The following ABAT variants were observed in gnomAD, a reference collection of about 807,000 sequenced individuals.
ABAT encodes the protein 4-aminobutyrate aminotransferase, mitochondrial.
Under a neutral mutation model 64.6 loss-of-function variants are expected in ABAT, and 45 were observed. The ratio of observed to expected loss-of-function variants is 0.70; its 90% CI spans 0.55 to 0.89. The LOEUF (loss-of-function observed/expected upper bound fraction) is 0.89, where lower values mean the gene tolerates loss of function less well. ABAT is among the 40% of genes least tolerant of loss of function. The probability of loss-of-function intolerance (pLI) is 0.00; values close to 1 mark genes in which losing one functional copy is unlikely to be tolerated. For synonymous variants in ABAT, 297 were observed against 250.5 expected (o/e 1.19, Z -1.75); for missense variants, 633 against 658.4 (o/e 0.96, Z 0.42).
rs1045051678 is a variant in ABAT, at chr16:8,783,623, T to G, written c.*2193T>G. 1 of 152,244 alleles carries G rather than the reference T, an allele frequency of 6.6e-6. No individual in the cohort carries two copies. The highest frequency in any genetic ancestry group is 1.5e-5 in the Non-Finnish European group (1 of 68,042). 9.4% of individuals were successfully genotyped at this position (152,244 alleles called of 1,614,324 possible). On this transcript the variant is annotated 3_prime_UTR_variant, in exon 16 of 16. Coordinates refer to ENST00000268251, the MANE Select transcript of ABAT (RefSeq NM_020686.6). ...CATCCCAAGGTTCAATAAGGCCTTA[T>G]TTAACAAGCAAGCAAAATGCAAACC...
At chr16:8,745,757 A>G (rs1454559883) in intron 2 of ABAT, among the ~76,000 whole-genome samples, 1 of 152,238 alleles carries the variant, frequency 6.6e-6, no homozygotes, top group Non-Finnish European at 1.5e-5. Context: ...TCATGCCAGT[A>G]AAACAGGAGC....
intron 11 of ABAT, among the ~76,000 whole-genome samples, chr16:8,771,632 C>T (rs983609570): frequency 4.6e-5 from 7 of 152,086 alleles, no homozygotes; most frequent in Non-Finnish European, 7.3e-5. Context: ...CCATGCCCAA[C>T]TAATTTTTGT....
Position 8,776,467 on chromosome 16 carries a change from C to T in ABAT, c.1246C>T (p.Leu416Phe). The T allele has an allele frequency of 6.2e-7, 1 of 1,614,112 alleles. No individual in the cohort carries two copies. The highest frequency in any genetic ancestry group is 1.1e-5 in the South Asian group (1 of 91,068). The change falls in exon 14 of 16, where the codon CTC becomes TTC. Residue 416 changes from leucine (L) to phenylalanine (F), a missense_variant. Coordinates refer to ENST00000268251, the MANE Select transcript of ABAT (RefSeq NM_020686.6). The surrounding 1 kb of genome is among the most constrained non-coding windows in gnomAD (Gnocchi z 4.4). ...NNAAHAGKALLTGLLDLQARY... is the reference protein window; with the variant it reads ...NNAAHAGKALFTGLLDLQARY... ...TGCAGCCCATGCCGGGAAGGCCCTG[C>T]TCACAGGACTGCTGGACCTCCAGGT...
chr16:8,737,991 G>GGAAGGAAGGAAGGAAGGAAGGAAGAAA lies in ABAT; in HGVS notation c.70+2185_70+2186insGGAAGGAAGGAAGGAAGGAAGAAAGAA, dbSNP rs1567295685. ...AAGGAAGGAAGGAAGGAAGGAAGGA[G>GGAAGGAAGGAAGGAAGGAAGGAAGAAA]GAAAGAAAGAAAGAAAGAAAGAAAG... On this transcript the variant is annotated intron_variant, in intron 2 of 15. Transcript: ENST00000268251. 1.1e-3 allele frequency among the ~76,000 whole-genome samples: 16 copies of GGAAGGAAGGAAGGAAGGAAGGAAGAAA among 14,960 alleles called. 5 individuals carry two copies. Among genetic ancestry groups the GGAAGGAAGGAAGGAAGGAAGGAAGAAA allele is most frequent in the South Asian group, 2.6e-3 (1 of 386 alleles). The allele number at this position is 14,960 out of a possible 152,430, so 9.8% of individuals were successfully genotyped here. A position where few individuals can be genotyped will look rare whatever the true frequency, so the allele number is the denominator to read the frequency against.
intron 1 of ABAT, among the ~76,000 whole-genome samples, chr16:8,733,439 G>A (rs1221163881): frequency 1.3e-5 from 2 of 151,860 alleles, no homozygotes; most frequent in African/African-American, 2.4e-5. Flanking sequence ...TGGCGGCCGG[G>A]CAGAGGCTGC....
chr16:8,707,353 A>ATTTTTTTTTTTTTTTTTTTTT (rs386384172), intron 1 of ABAT, among the ~76,000 whole-genome samples: 56 of 123,928 alleles, frequency 4.5e-4, no homozygotes, highest in South Asian at 1.7e-3. Context: ...TGCCAGGGTA[A>ATTTTTTTTTTTTTTTTTTTTT]TTTTTTTTTT....
chr16:8,724,060 TGAACTC>T (rs1039853444), intron 1 of ABAT, among the ~76,000 whole-genome samples: 2 of 151,658 alleles, frequency 1.3e-5, no homozygotes, highest in African/African-American at 4.8e-5. Context: ...AGGCTGGTCT[TGAACTC>T]CTGACCTCAG....
At chr16:8,696,607 G>A (rs940525323) in intron 1 of ABAT, among the ~76,000 whole-genome samples, 2 of 152,194 alleles carry the variant, frequency 1.3e-5, no homozygotes, top group Non-Finnish European at 2.9e-5. Context: ...GTGACACAGC[G>A]AGACTCTGTC....
intron 5 of ABAT, among the ~76,000 whole-genome samples, chr16:8,751,474 A>G (rs1443100457): frequency 1.3e-5 from 2 of 152,076 alleles, no homozygotes; most frequent in African/African-American, 2.4e-5. Context: ...GGGCAGGGGG[A>G]ATAAGCTAAG....
In ABAT at chr16:8,776,548, G is replaced by A. The variant is rs757078949; in HGVS notation, c.1269+58G>A. 7.7e-5 allele frequency: 112 copies of A among 1,447,000 alleles called. No homozygotes were observed. Among genetic ancestry groups the A allele is most frequent in the Non-Finnish European group, 9.7e-5 (104 of 1,072,786 alleles). 89.6% of individuals were successfully genotyped at this position (1,447,000 alleles called of 1,614,324 possible). ...CCCATGGCTCCCCGCAGCAGCCTCC[G>A]GGGCAACACTGGAGCTCTTCGGCAT... On this transcript the variant is annotated intron_variant, in intron 14 of 15. Transcript: ENST00000268251. This position sits in a 1 kb window ranked among gnomAD's most constrained non-coding sequence, Gnocchi z 4.4.
intron 1 of ABAT, among the ~76,000 whole-genome samples, chr16:8,733,213 G>A (rs575214452): frequency 6.6e-6 from 1 of 150,414 alleles, no homozygotes; most frequent in East Asian, 2.0e-4. Flanking sequence ...CGGGTGGAGG[G>A]GCTCCTCACT....
intron 1 of ABAT, among the ~76,000 whole-genome samples, chr16:8,688,761 T>C (rs1262528821): frequency 1.3e-5 from 2 of 152,182 alleles, no homozygotes; most frequent in Admixed American, 6.5e-5. Flanking sequence ...TCTTCCTTTA[T>C]GGTTAATGCT....
chr16:8,763,684 G>T (rs980934045), intron 6 of ABAT, among the ~76,000 whole-genome samples: 2 of 152,198 alleles, frequency 1.3e-5, no homozygotes. Context: ...GATTACAGGC[G>T]TGAGGCACTG....
At chr16:8,775,390 T>A (rs1274084794) in intron 13 of ABAT, among the ~76,000 whole-genome samples, 1 of 152,220 alleles carries the variant, frequency 6.6e-6, no homozygotes, top group Non-Finnish European at 1.5e-5. Context: ...CTGAGAACAA[T>A]CTAACCAAGT....
chr16:8,751,916 G>A (rs1051476065), intron 5 of ABAT, among the ~76,000 whole-genome samples: 6 of 152,224 alleles, frequency 3.9e-5, no homozygotes, highest in African/African-American at 1.4e-4. Context: ...TTGCAGCTTG[G>A]ATGGTTAATG....
In ABAT at chr16:8,764,579, A is replaced by G. The variant is rs557568308; in HGVS notation, c.448-159A>G. 6.6e-6 allele frequency among the ~76,000 whole-genome samples: 1 copy of G among 152,256 alleles called. No homozygotes were observed. The highest frequency in any genetic ancestry group is 1.5e-5 in the Non-Finnish European group (1 of 68,018). On this transcript the variant is annotated intron_variant, in intron 7 of 15. Coordinates refer to ENST00000268251, the MANE Select transcript of ABAT (RefSeq NM_020686.6). The surrounding 1 kb of genome is among the most constrained non-coding windows in gnomAD (Gnocchi z 4.2). ...CCCTGGGCTTCTCCGCCACCCCTGG[A>G]AAAGCCTGAGCCCACCCTCCCAGTC...
intron 1 of ABAT, among the ~76,000 whole-genome samples, chr16:8,682,025 G>A (rs535238772): frequency 6.6e-6 from 1 of 152,246 alleles, no homozygotes; most frequent in East Asian, 1.9e-4. Flanking sequence ...CCAGACGCTG[G>A]CAACATACCT....
chr16:8,735,165 C>T (rs1157973101), intron 1 of ABAT, among the ~76,000 whole-genome samples: 2 of 138,608 alleles, frequency 1.4e-5, no homozygotes, highest in African/African-American at 5.7e-5. Context: ...TAGAATGAGA[C>T]TCCATCTCAA....
intron 1 of ABAT, among the ~76,000 whole-genome samples, chr16:8,724,727 T>C (rs148212599): frequency 1.2e-5 from 1 of 85,548 alleles, no homozygotes; most frequent in African/African-American, 4.8e-5. Flanking sequence ...AGACCTTGTC[T>C]CAGGAAAAAA....
Sources: allele counts gnomAD v4.1 joint callset (sites outside exome capture counted in the v4.1 genomes callset), GRCh38; gene constraint gnomAD v4.1.1; non-coding constraint Gnocchi (gnomAD v3.1); transcripts MANE v1.5; gene names NCBI Gene and HGNC (gene_info 2026-07-23, HGNC 2026-07-21).